Variants in CAMK4 observed in about 807,000 individuals in gnomAD.
CAMK4 encodes calcium/calmodulin-dependent protein kinase type IV.
Under a neutral mutation model 44.9 loss-of-function variants are expected in CAMK4, and 22 were observed. The ratio of observed to expected loss-of-function variants is 0.49; its 90% CI spans 0.35 to 0.70. CAMK4 has a LOEUF of 0.70. Among genes scored for constraint, CAMK4 ranks in the 30% least tolerant of loss-of-function variants. CAMK4 has a pLI of 0.01. For missense variants in CAMK4, 498 were observed against 586.8 expected (o/e 0.85, Z 1.56); for synonymous variants, 218 against 215.4 (o/e 1.01, Z -0.11).
intron 7 of CAMK4, among the ~76,000 whole-genome samples, chr5:111,465,107 T>C (rs1183498656): frequency 6.6e-6 from 1 of 152,166 alleles, no homozygotes; most frequent in East Asian, 1.9e-4. Flanking sequence ...TTTCCTCTAC[T>C]GTTTGAATTT....
At chr5:111,278,870 G>A (rs1277672753) in intron 1 of CAMK4, among the ~76,000 whole-genome samples, 1 of 152,138 alleles carries the variant, frequency 6.6e-6, no homozygotes, top group East Asian at 1.9e-4. Flanking sequence ...AATATATAGC[G>A]GATCTCTTTT....
intron 1 of CAMK4, among the ~76,000 whole-genome samples, chr5:111,247,691 C>A (rs962997202): frequency 1.3e-5 from 2 of 151,968 alleles, no homozygotes; most frequent in African/African-American, 4.8e-5. Context: ...CTCCTAAGGA[C>A]TTTCAACTGG....
chr5:111,464,016 A>T (rs776647918), intron 7 of CAMK4, among the ~76,000 whole-genome samples: 14 of 152,122 alleles, frequency 9.2e-5, no homozygotes, highest in East Asian at 1.9e-4. Context: ...GGCAGAAAAA[A>T]AATTCAGCAG....
chr5:111,396,882 C>T (rs462593), intron 5 of CAMK4, among the ~76,000 whole-genome samples: 80,195 of 151,082 alleles, frequency 0.53, 21,851 homozygotes, highest in African/African-American at 0.67. Context: ...CTCAGGAAAT[C>T]CACCCACCTT....
intron 1 of CAMK4, among the ~76,000 whole-genome samples, chr5:111,260,807 G>A (rs932594256): frequency 1.6e-4 from 25 of 152,054 alleles, no homozygotes; most frequent in South Asian, 1.5e-3. Context: ...CATTGAAACC[G>A]TCAACCTTTC....
In CAMK4 at chr5:111,485,023, T is replaced by C. The variant is rs1755565242; in HGVS notation, c.*557T>C. On this transcript the variant is annotated 3_prime_UTR_variant, in exon 11 of 11. Transcript: ENST00000282356. Reference sequence around the variant, plus strand: ...CAATGGTAAGAAATTGAAGTATCCTTAAAGGCCATGAAGCCATATGTCCCT... The same window carrying C: ...CAATGGTAAGAAATTGAAGTATCCTCAAAGGCCATGAAGCCATATGTCCCT... The C allele has an allele frequency of 6.6e-6, 1 of 152,210 alleles. No homozygotes were observed. Among genetic ancestry groups the C allele is most frequent in the Admixed American group, 6.5e-5 (1 of 15,278 alleles). 9.4% of individuals were successfully genotyped at this position (152,210 alleles called of 1,614,324 possible).
At chr5:111,377,693 A>T (rs1456482905) in intron 4 of CAMK4, among the ~76,000 whole-genome samples, 1 of 152,162 alleles carries the variant, frequency 6.6e-6, no homozygotes, top group Non-Finnish European at 1.5e-5. Flanking sequence ...TCATCAGGTA[A>T]TCAAAAAAGA....
At chr5:111,446,445 A>C (rs553763462) in intron 5 of CAMK4, among the ~76,000 whole-genome samples, 8 of 152,344 alleles carry the variant, frequency 5.3e-5, no homozygotes, top group Non-Finnish European at 1.0e-4. Flanking sequence ...CTGAGGAGTA[A>C]ATATTTCATT....
At chr5:111,321,832 T>C (rs1396226312) in intron 1 of CAMK4, among the ~76,000 whole-genome samples, 1 of 152,222 alleles carries the variant, frequency 6.6e-6, no homozygotes, top group Non-Finnish European at 1.5e-5. Flanking sequence ...GGGAAATTTC[T>C]TAATTCTGCC....
chr5:111,224,434 C>G lies in CAMK4; in HGVS notation c.-50C>G. 1.3e-6 allele frequency: 2 copies of G among 1,530,162 alleles called. No individual in the cohort carries two copies. Among genetic ancestry groups the G allele is most frequent in the Non-Finnish European group, 1.8e-6 (2 of 1,141,822 alleles). The allele number at this position is 1,530,162 out of a possible 1,614,324, so 94.8% of individuals were successfully genotyped here. On this transcript the variant is annotated 5_prime_UTR_variant, in exon 1 of 11. Transcript: ENST00000282356. The surrounding 1 kb of genome is among the most constrained non-coding windows in gnomAD (Gnocchi z 5.7). ...GGCGGCTGGCGGCCGGCTTCTCGCT[C>G]GGGCAGCGGCGGCGGCGGCGGCGGC...
chr5:111,255,626 G>A (rs1749706289), intron 1 of CAMK4, among the ~76,000 whole-genome samples: 1 of 152,128 alleles, frequency 6.6e-6, no homozygotes, highest in African/African-American at 2.4e-5. Context: ...CCTTAGCTGA[G>A]CCTGTCTCGG....
chr5:111,332,551 T>C (rs1749216049), intron 1 of CAMK4, among the ~76,000 whole-genome samples: 1 of 151,654 alleles, frequency 6.6e-6, no homozygotes, highest in South Asian at 2.1e-4. Flanking sequence ...TGTGTGCATG[T>C]GTCTTTATAG....
intron 2 of CAMK4, among the ~76,000 whole-genome samples, chr5:111,347,102 G>C (rs1749904910): frequency 6.6e-6 from 1 of 151,976 alleles, no homozygotes; most frequent in Non-Finnish European, 1.5e-5. Flanking sequence ...CAAACAGGTG[G>C]GTTCTAAGAT....
chr5:111,451,677 G>A (rs942926578), intron 7 of CAMK4, among the ~76,000 whole-genome samples: 1 of 152,114 alleles, frequency 6.6e-6, no homozygotes, highest in Non-Finnish European at 1.5e-5. Flanking sequence ...GCTGAAATGA[G>A]AGGATTGCTT....
At chr5:111,272,167 T>A (rs144578863) in intron 1 of CAMK4, among the ~76,000 whole-genome samples, 182 of 152,118 alleles carry the variant, frequency 1.2e-3, no homozygotes, top group Middle Eastern at 0.01. Flanking sequence ...ATGAGTAATT[T>A]GCCATGAAGG....
chr5:111,362,556 A>G (rs1199056843), intron 2 of CAMK4, among the ~76,000 whole-genome samples: 1 of 152,048 alleles, frequency 6.6e-6, no homozygotes, highest in South Asian at 2.1e-4. Flanking sequence ...ACAATGGTGG[A>G]TATATTCCTC....
chr5:111,322,819 A>G (rs1748717022), intron 1 of CAMK4, among the ~76,000 whole-genome samples: 1 of 152,140 alleles, frequency 6.6e-6, no homozygotes, highest in East Asian at 1.9e-4. Flanking sequence ...AAACTATGTA[A>G]AAGAGCCTAA....
chr5:111,460,490 T>C (rs1323763885), intron 7 of CAMK4, among the ~76,000 whole-genome samples: 1 of 152,124 alleles, frequency 6.6e-6, no homozygotes, highest in Non-Finnish European at 1.5e-5. Context: ...CAGGCTGGTC[T>C]TGAACTCCTG....
chr5:111,349,932 C>G (rs571982264), intron 2 of CAMK4, among the ~76,000 whole-genome samples: 1 of 151,884 alleles, frequency 6.6e-6, no homozygotes, highest in Non-Finnish European at 1.5e-5. Flanking sequence ...AAATACATGC[C>G]TCTCATGAAA....
Sources: gnomAD v4.1 joint callset for allele counts (sites outside exome capture counted in the v4.1 genomes callset) on GRCh38, gnomAD v4.1.1 for gene constraint, Gnocchi (gnomAD v3.1) non-coding constraint, MANE v1.5 for transcripts, NCBI Gene and HGNC (gene_info 2026-07-23, HGNC 2026-07-21) for gene names.